RASGRP4: variants seen among roughly 807,000 people sequenced by gnomAD.
RASGRP4 encodes RAS guanyl releasing protein 4, also known as RAS guanyl-releasing protein 4.
Under a neutral mutation model 84.4 loss-of-function variants are expected in RASGRP4, and 52 were observed. The observed-to-expected ratio is 0.62, with a 90% CI of 0.49 to 0.78. The LOEUF (loss-of-function observed/expected upper bound fraction) is 0.78. RASGRP4 is among the 30% of genes least tolerant of loss of function. The pLI is 0.00. For synonymous variants in RASGRP4, 356 were observed against 359.1 expected (o/e 0.99, Z 0.10); for missense variants, 760 against 886.9 (o/e 0.86, Z 1.82).
At chr19:38,419,760 G>T in intron 6 of RASGRP4, 100 bp downstream of exon 6, 1 of 1,155,148 alleles carries the variant, frequency 8.7e-7, no homozygotes, top group Non-Finnish European at 1.2e-6. Context: ...TCTGCCGAAT[G>T]ACCATGCAGG....
Position 38,422,073 on chromosome 19 carries a change from C to G in RASGRP4, c.104G>C (p.Ser35Thr). ...CATGACCTTGCTGATTTCCCGAGGGCTGGGGCATGTCTTGTGGCGGCGCAC... is the reference window on the plus strand; with the variant it reads ...CATGACCTTGCTGATTTCCCGAGGGGTGGGGCATGTCTTGTGGCGGCGCAC... ...RQVRRHKTCP[S>T]PREISKVMAS... is the part of the protein sequence containing the mutation. The change falls in exon 2 of 17, where the codon AGC becomes ACC. Residue 35 changes from serine to threonine, a missense_variant. By Grantham distance (58) the Ser-to-Thr change is moderately conservative. Coordinates refer to ENST00000615439, the MANE Select transcript of RASGRP4 (RefSeq NM_170604.3). 1 of 1,613,830 alleles carries G rather than the reference C, an allele frequency of 6.2e-7. No homozygotes were observed. Among genetic ancestry groups the G allele is most frequent in the South Asian group, 1.1e-5 (1 of 91,074 alleles).
chr19:38,420,844 T>G, intron 4 of RASGRP4, 64 bp downstream of exon 4: 4 of 1,529,522 alleles, frequency 2.6e-6, no homozygotes, highest in Non-Finnish European at 3.6e-6. Context: ...GAGGAATGTT[T>G]TTTGAGGGGG....
At position 38,409,929 on chromosome 19, in the gene RASGRP4, G is replaced by A; in HGVS notation, c.*111C>T. ...GTACCACTAAAGGCAGTGTGGATGG[G>A]AAGGCGGATGCCTCTGGAGGCCTAC... On this transcript the variant is annotated 3_prime_UTR_variant, in exon 17 of 17. Transcript: ENST00000615439. 1 of 735,708 alleles carries A rather than the reference G, an allele frequency of 1.4e-6. No individual in the cohort carries two copies. The highest frequency in any genetic ancestry group is 2.3e-6 in the Non-Finnish European group (1 of 440,288). 45.6% of individuals were successfully genotyped at this position (735,708 alleles called of 1,614,324 possible). A position where few individuals can be genotyped will look rare whatever the true frequency, so the allele number is the denominator to read the frequency against.
intron 8 of RASGRP4, among the ~76,000 whole-genome samples, chr19:38,416,516 T>C (rs1189978951): frequency 2.0e-5 from 3 of 151,182 alleles, no homozygotes; most frequent in Non-Finnish European, 4.4e-5. Context: ...TCTCGCTATG[T>C]TGCCCAGGCT....
At position 38,418,999 on chromosome 19, in the gene RASGRP4, A is replaced by G. The variant is rs12609246; in HGVS notation, c.664-435T>C. ...GGCTGGGGAAGATGAATTGAAATCA[A>G]CCTCTATCTGTTCTGCCCAAGGAGT... is the stretch of plus-strand genomic sequence containing the variant. On this transcript the variant is annotated intron_variant, in intron 6 of 16. Coordinates refer to ENST00000615439, the MANE Select transcript of RASGRP4 (RefSeq NM_170604.3). The surrounding 1 kb of genome is among the most constrained non-coding windows in gnomAD (Gnocchi z 4.6). Among the ~76,000 whole-genome samples the G allele has an allele frequency of 0.26, 39,870 of 151,790 alleles. 5,995 individuals carry two copies. The highest frequency in any genetic ancestry group is 0.5 in the South Asian group (2,430 of 4,814).
In RASGRP4 at chr19:38,413,366, G is replaced by A. The variant is rs1378731668; in HGVS notation, c.1311+28C>T. 6.2e-7 allele frequency: 1 copy of A among 1,606,188 alleles called. No homozygotes were observed. Among genetic ancestry groups the A allele is most frequent in the Non-Finnish European group, 8.5e-7 (1 of 1,175,174 alleles). On this transcript the variant is annotated intron_variant, in intron 10 of 16. Transcript: ENST00000615439. The surrounding 1 kb of genome is among the most constrained non-coding windows in gnomAD (Gnocchi z 4.7). ...TAGGGGGGGTTCGAGGTAATTGGGG[G>A]AGTCCGAGGCCAGGGGTTGGGTCTC...
At position 38,409,903 on chromosome 19, in the gene RASGRP4, C is replaced by T. The variant is rs559959115; in HGVS notation, c.*137G>A. 70 of 602,440 alleles carry T rather than the reference C, an allele frequency of 1.2e-4. 1 individual carries two copies. Among genetic ancestry groups the T allele is most frequent in the African/African-American group, 8.3e-4 (44 of 53,080 alleles). The allele number at this position is 602,440 out of a possible 1,614,324, so 37.3% of individuals were successfully genotyped here. A position where few individuals can be genotyped will look rare whatever the true frequency, so the allele number is the denominator to read the frequency against. On this transcript the variant is annotated 3_prime_UTR_variant, in exon 17 of 17. Transcript: ENST00000615439. ...CACTTCCAGGGAAAAAGATGACGGA[C>T]GTACCACTAAAGGCAGTGTGGATGG...
Position 38,418,336 on chromosome 19 carries a change from A to G in RASGRP4, c.837+55T>C, listed in dbSNP as rs747547947. The G allele has an allele frequency of 1.1e-4, 174 of 1,543,724 alleles. No individual in the cohort carries two copies. The Middle Eastern group carries it at 2.7e-3, about 24-fold the overall frequency. On this transcript the variant is annotated intron_variant, in intron 7 of 16. Transcript: ENST00000615439. The surrounding 1 kb of genome is among the most constrained non-coding windows in gnomAD (Gnocchi z 4.6). ...TGTGGGGTCGAGGGTCTGGAAGGGGAAGGACCAGGTGGCTGCGTGCAGTGG... is the reference window on the plus strand; with the variant it reads ...TGTGGGGTCGAGGGTCTGGAAGGGGGAGGACCAGGTGGCTGCGTGCAGTGG...
rs1414728350 is a variant in RASGRP4, at chr19:38,422,146, G to A, written c.31C>T (p.His11Tyr). The A allele has an allele frequency of 2.5e-6, 4 of 1,608,642 alleles. No homozygotes were observed. The highest frequency in any genetic ancestry group is 3.4e-6 in the Non-Finnish European group (4 of 1,177,840). Residue 11 changes from histidine (H) to tyrosine (Y), a missense_variant, in exon 2 of 17, where the codon CAC becomes TAC. Coordinates refer to ENST00000615439, the MANE Select transcript of RASGRP4 (RefSeq NM_170604.3). ...CCTATTTTTCCGGTGCATTCCTGGT[G>A]GGACTTCCTGTGGGCACAGCCCCCA... MNRKDSKRKS[H>Y]QECTGKIGGR... is the part of the protein sequence containing the mutation.
chr19:38,413,175 C>A lies in RASGRP4; in HGVS notation c.1416+18G>T. On this transcript the variant is annotated intron_variant, in intron 11 of 16. Transcript: ENST00000615439. This position sits in a 1 kb window ranked among gnomAD's most constrained non-coding sequence, Gnocchi z 4.7. ...TCCCTCCTGGCTGCTGGCGGCCGGG[C>A]CACCCTCCCCTCCTTACCTCCACCA... The A allele has an allele frequency of 6.2e-7, 1 of 1,606,544 alleles. No individual in the cohort carries two copies. The highest frequency in any genetic ancestry group is 8.5e-7 in the Non-Finnish European group (1 of 1,174,306).
chr19:38,419,072 ACT>A lies in RASGRP4; in HGVS notation c.664-510_664-509del, dbSNP rs373507800. Among the ~76,000 whole-genome samples, 17 of 152,268 alleles carry A rather than the reference ACT, an allele frequency of 1.1e-4. 2 individuals are homozygous for A. In the South Asian group the frequency reaches 2.7e-3, roughly 24 times the overall value. Reference sequence around the variant, plus strand: ...CTACACTGAGTATATTTGCATACACACTCACACACACAACACACACATACAAT... The same window carrying A: ...CTACACTGAGTATATTTGCATACACACACACACACAACACACACATACAAT... On this transcript the variant is annotated intron_variant, in intron 6 of 16. Transcript: ENST00000615439.
In RASGRP4 at chr19:38,414,830, G is replaced by A. The variant is rs772838989; in HGVS notation, c.1230+18C>T. The A allele has an allele frequency of 1.5e-5, 24 of 1,567,160 alleles. No homozygotes were observed. The highest frequency in any genetic ancestry group is 2.3e-5 in the South Asian group (2 of 86,074). ...GTACCCTTGGAAGCCCAGCCTGGGC[G>A]GGGCCAGGGGGGCTCACCGTGAGCA... On this transcript the variant is annotated intron_variant, in intron 9 of 16. Transcript: ENST00000615439.
Position 38,410,110 on chromosome 19 carries a change from G to A in RASGRP4, c.1966-14C>T, listed in dbSNP as rs1253958668. Reference sequence around the variant, plus strand: ...CGGGCAGGGGACCTGGAAGGAGGAAGGGAGGAAGAAAGATGACAGATGATG... The same window carrying A: ...CGGGCAGGGGACCTGGAAGGAGGAAAGGAGGAAGAAAGATGACAGATGATG... On this transcript the variant is annotated splice_polypyrimidine_tract_variant and intron_variant, in intron 16 of 16. Coordinates refer to ENST00000615439, the MANE Select transcript of RASGRP4 (RefSeq NM_170604.3). 2 of 1,608,510 alleles carry A rather than the reference G, an allele frequency of 1.2e-6. No homozygotes were observed. The highest frequency in any genetic ancestry group is 1.7e-5 in the Admixed American group (1 of 59,618).
At position 38,412,543 on chromosome 19, in the gene RASGRP4, T is replaced by TATAA. The variant is rs1246598751; in HGVS notation, c.1680+128_1680+129insTTAT. The TATAA allele has an allele frequency of 2.3e-6, 2 of 851,754 alleles. No homozygotes were observed. Among genetic ancestry groups the TATAA allele is most frequent in the Admixed American group, 2.8e-5 (1 of 35,414 alleles). The allele number at this position is 851,754 out of a possible 1,614,324, so 52.8% of individuals were successfully genotyped here. A position where few individuals can be genotyped will look rare whatever the true frequency, so the allele number is the denominator to read the frequency against. On this transcript the variant is annotated intron_variant, in intron 13 of 16. Transcript: ENST00000615439. This position sits in a 1 kb window ranked among gnomAD's most constrained non-coding sequence, Gnocchi z 4.6. ...CAGGATATAGGGAATGTCTGGTGTT[T>TATAA]AGGGTTTATATGAAACAGGATGATT... is the stretch of plus-strand genomic sequence containing the variant.
rs187355849 is a variant in RASGRP4, at chr19:38,422,138, T to A, written c.39A>T (p.Glu13Asp). ...CTCGCCCTCCTATTTTTCCGGTGCA[T>A]TCCTGGTGGGACTTCCTGTGGGCAC... ...RKDSKRKSHQECTGKIGGRGR... is the reference protein window; with the variant it reads ...RKDSKRKSHQDCTGKIGGRGR... The change falls in exon 2 of 17, where the codon GAA (glutamate) becomes GAT (aspartate). Residue 13 changes from glutamate (E) to aspartate (D), a missense_variant. Physicochemically the swap from Glu to Asp is conservative, Grantham distance 45 (BLOSUM62 2). Transcript: ENST00000615439. The A allele has an allele frequency of 2.9e-4, 471 of 1,610,408 alleles. 3 individuals are homozygous for A. In the African/African-American group the frequency reaches 5.1e-3, roughly 17 times the overall value.
Position 38,413,526 on chromosome 19 carries a change from A to T in RASGRP4, c.1231-52T>A. ...CCTCCCATCTATAGCCCTGCCCCAG[A>T]CCCCCACACCCACTCGCAGGCTCTT... On this transcript the variant is annotated intron_variant, in intron 9 of 16. Coordinates refer to ENST00000615439, the MANE Select transcript of RASGRP4 (RefSeq NM_170604.3). The surrounding 1 kb of genome is among the most constrained non-coding windows in gnomAD (Gnocchi z 4.7). 5.6e-6 allele frequency: 8 copies of T among 1,436,186 alleles called. No individual in the cohort carries two copies. The highest frequency in any genetic ancestry group is 7.7e-6 in the Non-Finnish European group (8 of 1,041,740). 89.0% of individuals were successfully genotyped at this position (1,436,186 alleles called of 1,614,324 possible). A position where few individuals can be genotyped will look rare whatever the true frequency, so the allele number is the denominator to read the frequency against.
At chr19:38,421,529 T>C (rs896792240) in intron 2 of RASGRP4, among the ~76,000 whole-genome samples, 2 of 152,044 alleles carry the variant, frequency 1.3e-5, no homozygotes, top group Non-Finnish European at 2.9e-5. Context: ...CTGGCCAACA[T>C]GGTGAAACAC....
chr19:38,426,093 C>T lies in RASGRP4; in HGVS notation c.-2G>A, dbSNP rs746760017. The T allele has an allele frequency of 1.0e-5, 14 of 1,337,846 alleles. No homozygotes were observed. In the South Asian group the frequency reaches 3.0e-4, roughly 29 times the overall value. The allele number at this position is 1,337,846 out of a possible 1,614,324, so 82.9% of individuals were successfully genotyped here. ...CCTCTTACTGTCTTTTCTGTTCATG[C>T]TTCCCGCGTGGGGTGAGGAGGCCGG... is the stretch of plus-strand genomic sequence containing the variant. On this transcript the variant is annotated 5_prime_UTR_variant, in exon 1 of 17. Transcript: ENST00000615439.
intron 6 of RASGRP4, among the ~76,000 whole-genome samples, chr19:38,419,125 A>T (rs1971629072): frequency 6.6e-6 from 1 of 152,236 alleles, no homozygotes. Context: ...TGAAGGAAAC[A>T]GATCCCCACC....
Sources: gnomAD v4.1 joint callset for allele counts (sites outside exome capture counted in the v4.1 genomes callset) on GRCh38, gnomAD v4.1.1 for gene constraint, Gnocchi (gnomAD v3.1) non-coding constraint, MANE v1.5 for transcripts, NCBI Gene and HGNC (gene_info 2026-07-23, HGNC 2026-07-21) for gene names.